The following OVOL1 variants were observed in gnomAD, a reference collection of about 807,000 sequenced individuals.
The protein encoded by OVOL1 is putative transcription factor Ovo-like 1.
Under a neutral mutation model 21.5 loss-of-function variants are expected in OVOL1, and 10 were observed. The observed-to-expected ratio is 0.46, with a 90% confidence interval of 0.29 to 0.79. OVOL1 has a LOEUF of 0.79. Among genes scored for constraint, OVOL1 ranks in the 30% least tolerant of loss-of-function variants. OVOL1 has a pLI of 0.10. For synonymous variants in OVOL1, 129 were observed against 150.3 expected (o/e 0.86, Z 1.03); for missense variants, 279 against 362.3 (o/e 0.77, Z 1.87).
Position 65,788,963 on chromosome 11 carries a change from G to A in OVOL1, c.100+1490G>A, listed in dbSNP as rs566454964. ...CGCAGAGGGCCAGAGCCCCCTCCCCGCTCCGCCCTCCGCCCTCCACCCTCA... is the reference window on the plus strand; with the variant it reads ...CGCAGAGGGCCAGAGCCCCCTCCCCACTCCGCCCTCCGCCCTCCACCCTCA... On this transcript the variant is annotated intron_variant, in intron 1 of 3. Transcript: ENST00000335987. The A allele has an allele frequency of 1.7e-5, 17 of 985,852 alleles. No homozygotes were observed. In the South Asian group the frequency reaches 1.9e-4, roughly 11 times the overall value. 61.1% of individuals were successfully genotyped at this position (985,852 alleles called of 1,614,324 possible).
chr11:65,788,582 G>A, intron 1 of OVOL1: 1 of 985,102 alleles, frequency 1.0e-6, no homozygotes. Flanking sequence ...GCAGCAGTGA[G>A]GGGCCCCGTG....
chr11:65,792,714 C>T (rs780873425), intron 1 of OVOL1, among the ~76,000 whole-genome samples: 2 of 152,236 alleles, frequency 1.3e-5, no homozygotes, highest in African/African-American at 4.8e-5. Flanking sequence ...GGGTTCTGGG[C>T]GGCGGCGGGT....
chr11:65,794,350 T>C, intron 2 of OVOL1, 102 bp downstream of exon 2: 1 of 1,215,924 alleles, frequency 8.2e-7, no homozygotes, highest in Non-Finnish European at 1.2e-6. Context: ...GAGACTGACC[T>C]GGGACCTGGG....
intron 1 of OVOL1, among the ~76,000 whole-genome samples, chr11:65,791,635 C>T (rs2135701809): frequency 6.6e-6 from 1 of 152,340 alleles, no homozygotes; most frequent in Admixed American, 6.5e-5. Flanking sequence ...GGACACAGTC[C>T]CTCGGTGTCC....
At position 65,795,352 on chromosome 11, in the gene OVOL1, C is replaced by A; in HGVS notation, c.*11C>A. ...AGCCCCCACCTGTGAGTGGCTCGAG[C>A]CCTGGGGGTGCTCCTGGAAGCCCCA... On this transcript the variant is annotated 3_prime_UTR_variant, in exon 4 of 4. Coordinates refer to ENST00000335987, the MANE Select transcript of OVOL1 (RefSeq NM_004561.4). The surrounding 1 kb of genome is among the most constrained non-coding windows in gnomAD (Gnocchi z 5.7). 6.4e-7 allele frequency: 1 copy of A among 1,568,638 alleles called. No homozygotes were observed. Among genetic ancestry groups the A allele is most frequent in the South Asian group, 1.2e-5 (1 of 86,778 alleles).
chr11:65,789,200 T>A, intron 1 of OVOL1: 1 of 440,616 alleles, frequency 2.3e-6, no homozygotes, highest in Non-Finnish European at 3.0e-6. Context: ...TTGTCCTAGC[T>A]ATTTTCTCTG....
chr11:65,793,947 C>T (rs1014560916), intron 1 of OVOL1, 84 bp from the exon 2 acceptor site: 8 of 1,079,934 alleles, frequency 7.4e-6, no homozygotes, highest in African/African-American at 3.1e-5. Flanking sequence ...AGGTTCCAGC[C>T]GTCTCATGGC....
In OVOL1 at chr11:65,794,129, G is replaced by A; in HGVS notation, c.199G>A (p.Asp67Asn). Residue 67 changes from aspartate to asparagine, a missense_variant, in exon 2 of 4, where the codon GAC becomes AAC. Asp to Asn is a conservative substitution (Grantham distance 23, BLOSUM62 1). Transcript: ENST00000335987. ...CPLALNMSLR[D>N]SSYSMAPGPC... ...GCTGGCTTTGAACATGAGCCTTCGA[G>A]ACTCTAGCTACAGCATGGCCCCCGG... The A allele has an allele frequency of 4.3e-6, 7 of 1,613,934 alleles. No homozygotes were observed. The highest frequency in any genetic ancestry group is 3.3e-5 in the South Asian group (3 of 91,090).
chr11:65,795,581 A>C lies in OVOL1; in HGVS notation c.*240A>C, dbSNP rs1000829596. 4 of 584,382 alleles carry C rather than the reference A, an allele frequency of 6.8e-6. No homozygotes were observed. Among genetic ancestry groups the C allele is most frequent in the African/African-American group, 5.6e-5 (3 of 53,602 alleles). The allele number at this position is 584,382 out of a possible 1,614,324, so 36.2% of individuals were successfully genotyped here. ...GGCTGTTCTGAGCCTGGGAAGATGT[A>C]CCTATGTCAAGAGAAGGGATGAGGC... On this transcript the variant is annotated 3_prime_UTR_variant, in exon 4 of 4. Transcript: ENST00000335987. The surrounding 1 kb of genome is among the most constrained non-coding windows in gnomAD (Gnocchi z 5.7).
chr11:65,795,475 G>C lies in OVOL1; in HGVS notation c.*134G>C, dbSNP rs1858114296. 6.1e-6 allele frequency: 5 copies of C among 813,050 alleles called. No individual in the cohort carries two copies. The highest frequency in any genetic ancestry group is 9.6e-6 in the Non-Finnish European group (5 of 518,940). 50.4% of individuals were successfully genotyped at this position (813,050 alleles called of 1,614,324 possible). A position where few individuals can be genotyped will look rare whatever the true frequency, so the allele number is the denominator to read the frequency against. ...ATCAGGACTGGAGCCCCCGTGCCTT[G>C]GTCTCCCCCCTGGGCACACGTGCTC... On this transcript the variant is annotated 3_prime_UTR_variant, in exon 4 of 4. Transcript: ENST00000335987. This position sits in a 1 kb window ranked among gnomAD's most constrained non-coding sequence, Gnocchi z 5.7.
Position 65,795,905 on chromosome 11 carries a change from C to T in OVOL1, c.*564C>T, listed in dbSNP as rs1565232305. Reference sequence around the variant, plus strand: ...GGAGAGGCACACATGTGTGCCCAGCCGTGTGTGTGCGTGTGCTTGTGTGTG... The same window carrying T: ...GGAGAGGCACACATGTGTGCCCAGCTGTGTGTGTGCGTGTGCTTGTGTGTG... On this transcript the variant is annotated 3_prime_UTR_variant, in exon 4 of 4. Coordinates refer to ENST00000335987, the MANE Select transcript of OVOL1 (RefSeq NM_004561.4). This position sits in a 1 kb window ranked among gnomAD's most constrained non-coding sequence, Gnocchi z 5.7. 1 of 168,688 alleles carries T rather than the reference C, an allele frequency of 5.9e-6. No individual in the cohort carries two copies. Among genetic ancestry groups the T allele is most frequent in the South Asian group, 1.5e-4 (1 of 6,778 alleles). 10.4% of individuals were successfully genotyped at this position (168,688 alleles called of 1,614,324 possible). A position where few individuals can be genotyped will look rare whatever the true frequency, so the allele number is the denominator to read the frequency against.
In OVOL1 at chr11:65,796,476, G is replaced by C. The variant is rs1180446095; in HGVS notation, c.*1135G>C. On this transcript the variant is annotated 3_prime_UTR_variant, in exon 4 of 4. Coordinates refer to ENST00000335987, the MANE Select transcript of OVOL1 (RefSeq NM_004561.4). ...AGGACACTCTTGCAGGGCCAGGCTGGAAGACCGGCCCTTTTCTTGGTTGAG... is the reference window on the plus strand; with the variant it reads ...AGGACACTCTTGCAGGGCCAGGCTGCAAGACCGGCCCTTTTCTTGGTTGAG... 2 of 152,242 alleles carry C rather than the reference G, an allele frequency of 1.3e-5. No homozygotes were observed. The highest frequency in any genetic ancestry group is 2.1e-4 in the South Asian group (1 of 4,832). The allele number at this position is 152,242 out of a possible 1,614,324, so 9.4% of individuals were successfully genotyped here. A position where few individuals can be genotyped will look rare whatever the true frequency, so the allele number is the denominator to read the frequency against.
chr11:65,794,542 C>CA lies in OVOL1; in HGVS notation c.323_324insA (p.Leu109ProfsTer49), dbSNP rs754193762. ...CAATGCCGTCCTCACCCACAGGTGA[C>CA]CCTTGGGGACAGTCCCAGTGGAGAC... On this transcript the variant is annotated frameshift_variant, in exon 3 of 4. Transcript: ENST00000335987. LOFTEE classifies it high-confidence loss of function. The CA allele has an allele frequency of 6.2e-7, 1 of 1,613,048 alleles. No individual in the cohort carries two copies. The highest frequency in any genetic ancestry group is 1.1e-5 in the South Asian group (1 of 91,072).
intron 1 of OVOL1, chr11:65,789,954 TC>T (rs1350648208): frequency 1.3e-5 from 2 of 152,268 alleles, no homozygotes; most frequent in Admixed American, 6.6e-5. Flanking sequence ...GCAGAATCTT[TC>T]CCCTGGGAAG....
chr11:65,794,525 T>C lies in OVOL1; in HGVS notation c.319-13T>C. 1 of 1,609,524 alleles carries C rather than the reference T, an allele frequency of 6.2e-7. No homozygotes were observed. The highest frequency in any genetic ancestry group is 1.1e-5 in the South Asian group (1 of 91,050). ...TTCTGGATGTCTGTCAGCAATGCCG[T>C]CCTCACCCACAGGTGACCCTTGGGG... is the stretch of plus-strand genomic sequence containing the variant. On this transcript the variant is annotated splice_polypyrimidine_tract_variant and intron_variant, in intron 2 of 3. Coordinates refer to ENST00000335987, the MANE Select transcript of OVOL1 (RefSeq NM_004561.4).
Position 65,794,058 on chromosome 11 carries a change from C to T in OVOL1, c.128C>T (p.Pro43Leu). ...AGCCTGGGCTTCTGCCCACCACAGC[C>T]CTACCGGGAGCCGGAACCCTCTGTG... ...PVSLGFCPPQPYREPEPSVAE... is the reference protein window; with the variant it reads ...PVSLGFCPPQLYREPEPSVAE... Residue 43 changes from proline (P) to leucine (L), a missense_variant, in exon 2 of 4, where the codon CCC (proline) becomes CTC (leucine). Transcript: ENST00000335987. 6.2e-7 allele frequency: 1 copy of T among 1,614,076 alleles called. No homozygotes were observed. The highest frequency in any genetic ancestry group is 8.5e-7 in the Non-Finnish European group (1 of 1,180,016).
intron 1 of OVOL1, chr11:65,788,370 C>T (rs1168309632): frequency 3.9e-6 from 3 of 762,920 alleles, no homozygotes; most frequent in Non-Finnish European, 4.8e-6. Flanking sequence ...CCACCCCCAA[C>T]AAAGTCTTTG....
rs1858122634 is a variant in OVOL1, at chr11:65,795,888, A to G, written c.*547A>G. On this transcript the variant is annotated 3_prime_UTR_variant, in exon 4 of 4. Coordinates refer to ENST00000335987, the MANE Select transcript of OVOL1 (RefSeq NM_004561.4). The surrounding 1 kb of genome is among the most constrained non-coding windows in gnomAD (Gnocchi z 5.7). ...CTCTGTCCTTCCGGCAAGGAGAGGC[A>G]CACATGTGTGCCCAGCCGTGTGTGT... 1.1e-5 allele frequency: 2 copies of G among 176,280 alleles called. No individual in the cohort carries two copies. The highest frequency in any genetic ancestry group is 2.5e-5 in the Non-Finnish European group (2 of 80,614). The allele number at this position is 176,280 out of a possible 1,614,324, so 10.9% of individuals were successfully genotyped here. A position where few individuals can be genotyped will look rare whatever the true frequency, so the allele number is the denominator to read the frequency against.
chr11:65,789,018 C>T (rs943420973), intron 1 of OVOL1: 14 of 985,614 alleles, frequency 1.4e-5, no homozygotes, highest in Non-Finnish European at 1.7e-5. Context: ...TTAGCTGCTC[C>T]TTGGGATCTG....
Sources: allele counts gnomAD v4.1 joint callset (sites outside exome capture counted in the v4.1 genomes callset), GRCh38; gene constraint gnomAD v4.1.1; non-coding constraint Gnocchi (gnomAD v3.1); transcripts MANE v1.5; gene names NCBI Gene and HGNC (gene_info 2026-07-23, HGNC 2026-07-21).